GRIK2: variants seen among roughly 807,000 people sequenced by gnomAD.
GRIK2 encodes the protein glutamate receptor ionotropic, kainate 2.
A neutral mutation model predicts 100.3 loss-of-function variants in GRIK2; 32 were observed. That is an observed-to-expected ratio of 0.32 (90% CI 0.24 to 0.43). The LOEUF is 0.43. Among genes scored for constraint, GRIK2 ranks in the 20% least tolerant of loss-of-function variants. The pLI, the probability that GRIK2 is intolerant of heterozygous loss-of-function variation, is 1.00. For synonymous variants in GRIK2, 417 were observed against 389.4 expected (o/e 1.07, Z -0.83); for missense variants, 843 against 1,114.9 (o/e 0.76, Z 3.47).
chr6:101,664,795 C>A (rs527841358), intron 4 of GRIK2, among the ~76,000 whole-genome samples: 1 of 152,250 alleles, frequency 6.6e-6, no homozygotes, highest in South Asian at 2.1e-4. Flanking sequence ...GGAGGCCTCA[C>A]AATCATGGTA....
Position 101,676,629 on chromosome 6 carries a change from T to G in GRIK2, c.548T>G (p.Ile183Ser). The G allele has an allele frequency of 6.5e-7, 1 of 1,536,142 alleles. No individual in the cohort carries two copies. Residue 183 changes from isoleucine to serine, a missense_variant, in exon 5 of 17, where the codon ATT becomes AGT. By Grantham distance (142) the Ile-to-Ser change is moderately radical (BLOSUM62 -2). Transcript: ENST00000369134. ...TTTTCCATTTTAATTAAAGGTCTCA[T>G]TCGTTTGCAAGAGCTCATCAAAGCT... is the stretch of plus-strand genomic sequence containing the variant. ...TVVYDDSTGLIRLQELIKAPS... is the reference protein window; with the variant it reads ...TVVYDDSTGLSRLQELIKAPS...
chr6:101,948,019 C>A (rs568055032), intron 14 of GRIK2, among the ~76,000 whole-genome samples: 1 of 152,198 alleles, frequency 6.6e-6, no homozygotes. Flanking sequence ...GAATATTTGA[C>A]AAATGTTTAT....
Position 101,702,346 on chromosome 6 carries a change from A to G in GRIK2, c.951+15993A>G, listed in dbSNP as rs770481717. 2.4e-4 allele frequency among the ~76,000 whole-genome samples: 37 copies of G among 152,118 alleles called. No homozygotes were observed. The Middle Eastern group carries it at 0.01, about 42-fold the overall frequency. Reference sequence around the variant, plus strand: ...CCCATGAAAAAGGTCTTGGCTCTACATTAATACATTTAGGAATACATTTAC... The same window carrying G: ...CCCATGAAAAAGGTCTTGGCTCTACGTTAATACATTTAGGAATACATTTAC... On this transcript the variant is annotated intron_variant, in intron 7 of 16. Transcript: ENST00000369134.
chr6:101,666,555 T>C (rs1242314156), intron 4 of GRIK2, among the ~76,000 whole-genome samples: 2 of 152,190 alleles, frequency 1.3e-5, no homozygotes, highest in Non-Finnish European at 1.5e-5. Context: ...ACAAAAGCAC[T>C]CTTGTTAGAT....
At chr6:101,683,572 A>C (rs570800236) in intron 6 of GRIK2, among the ~76,000 whole-genome samples, 1 of 152,148 alleles carries the variant, frequency 6.6e-6, no homozygotes, top group African/African-American at 2.4e-5. Context: ...TTTCTTCCAC[A>C]TGTCCCAAAT....
intron 7 of GRIK2, among the ~76,000 whole-genome samples, chr6:101,701,115 C>T (rs1483310667): frequency 6.6e-6 from 1 of 152,064 alleles, no homozygotes; most frequent in African/African-American, 2.4e-5. Flanking sequence ...AATTGTTTCT[C>T]ATTTCTATAA....
chr6:101,837,496 T>C (rs1384242418), intron 10 of GRIK2, among the ~76,000 whole-genome samples: 1 of 152,186 alleles, frequency 6.6e-6, no homozygotes, highest in East Asian at 1.9e-4. Flanking sequence ...CCAAACATTG[T>C]TTCATAAGCC....
intron 4 of GRIK2, among the ~76,000 whole-genome samples, chr6:101,646,905 A>G (rs1781549348): frequency 6.6e-6 from 1 of 151,976 alleles, no homozygotes; most frequent in Non-Finnish European, 1.5e-5. Context: ...GAGAGACAAG[A>G]AAGAGATATA....
chr6:101,548,723 T>C (rs1280584400), intron 2 of GRIK2, among the ~76,000 whole-genome samples: 1 of 152,194 alleles, frequency 6.6e-6, no homozygotes, highest in Admixed American at 6.5e-5. Flanking sequence ...CCTCTCATCA[T>C]GTATAGCATT....
chr6:101,698,237 C>T (rs936424575), intron 7 of GRIK2, among the ~76,000 whole-genome samples: 4 of 151,796 alleles, frequency 2.6e-5, no homozygotes, highest in Non-Finnish European at 5.9e-5. Context: ...AAAATGTAGC[C>T]TATGCAGTTT....
intron 7 of GRIK2, among the ~76,000 whole-genome samples, chr6:101,773,032 C>G (rs987675412): frequency 2.0e-5 from 3 of 152,130 alleles, no homozygotes; most frequent in Middle Eastern, 3.4e-3. Flanking sequence ...CTTACAGACA[C>G]AGGAAACAAC....
In GRIK2 at chr6:101,605,948, C is replaced by T. The variant is rs146669357; in HGVS notation, c.116-16001C>T. 1.1e-3 allele frequency among the ~76,000 whole-genome samples: 169 copies of T among 152,106 alleles called. 1 individual carries two copies. Among genetic ancestry groups the T allele is most frequent in the African/African-American group, 3.9e-3 (164 of 41,534 alleles). On this transcript the variant is annotated intron_variant, in intron 2 of 16. Transcript: ENST00000369134. ...GTTTCTAGAAAGTAGAGCTCACTTC[C>T]TATTCTTGGGTAAGATGTGGCATTA...
At chr6:101,484,708 A>G (rs572064430) in intron 2 of GRIK2, among the ~76,000 whole-genome samples, 2 of 152,070 alleles carry the variant, frequency 1.3e-5, no homozygotes, top group African/African-American at 2.4e-5. Flanking sequence ...AGTTATTGGG[A>G]TTTTCTTCAG....
At chr6:101,536,878 T>G (rs371306109) in intron 2 of GRIK2, among the ~76,000 whole-genome samples, 3 of 151,848 alleles carry the variant, frequency 2.0e-5, no homozygotes, top group East Asian at 3.9e-4. Flanking sequence ...ATTATTGCAA[T>G]CCAAATGAGC....
chr6:101,838,570 A>G (rs1023316566), intron 10 of GRIK2, among the ~76,000 whole-genome samples: 2 of 152,000 alleles, frequency 1.3e-5, no homozygotes, highest in Non-Finnish European at 2.9e-5. Flanking sequence ...TGTATCTGCA[A>G]TTTTTCCATT....
rs112295873 is a variant in GRIK2 at position 102,004,859 on chromosome 6, AT to A, written c.2086-30472del. On this transcript the variant is annotated intron_variant, in intron 14 of 16. Coordinates refer to ENST00000369134, the MANE Select transcript of GRIK2 (RefSeq NM_021956.5). The stretch of plus-strand genomic sequence containing the variant: ...CCCCCCCACCACCTTTCTCCAGTGC[AT>A]TTTTTTTTTCTTTCTTTCTTTCTTT... Among the ~76,000 whole-genome samples the A allele has an allele frequency of 2.6e-3, 383 of 147,382 alleles. 3 individuals are homozygous for A. Among genetic ancestry groups the A allele is most frequent in the African/African-American group, 7.2e-3 (291 of 40,232 alleles).
At chr6:101,807,260 C>T (rs751540265) in intron 9 of GRIK2, among the ~76,000 whole-genome samples, 4 of 151,874 alleles carry the variant, frequency 2.6e-5, no homozygotes, top group Admixed American at 1.3e-4. Flanking sequence ...TTTTAGATTG[C>T]AGAAGGTCAC....
In GRIK2 at chr6:101,624,652, A is replaced by G. The variant is rs544087927; in HGVS notation, c.284-1728A>G. Among the ~76,000 whole-genome samples, 4 of 152,302 alleles carry G rather than the reference A, an allele frequency of 2.6e-5. No homozygotes were observed. In the South Asian group the frequency reaches 8.3e-4, roughly 32 times the overall value. ...CCTAATTTATGCCTAAAGCTCAGTA[A>G]CAATCCTTCTCTGTCCTTTAAATAT... On this transcript the variant is annotated intron_variant, in intron 3 of 16. Coordinates refer to ENST00000369134, the MANE Select transcript of GRIK2 (RefSeq NM_021956.5).
At chr6:101,824,034 T>C (rs986903671) in intron 10 of GRIK2, among the ~76,000 whole-genome samples, 9 of 151,738 alleles carry the variant, frequency 5.9e-5, no homozygotes, top group African/African-American at 2.2e-4. Context: ...GCCTGGCTAA[T>C]TTTTTGTATT....
Sources: allele counts gnomAD v4.1 joint callset (sites outside exome capture counted in the v4.1 genomes callset), GRCh38; gene constraint gnomAD v4.1.1; transcripts MANE v1.5; gene names NCBI Gene and HGNC (gene_info 2026-07-23, HGNC 2026-07-21).